The following CAB39L variants were observed in gnomAD, a reference collection of about 807,000 sequenced individuals.
The protein encoded by CAB39L is calcium-binding protein 39-like.
Under a neutral mutation model 39.1 loss-of-function variants are expected in CAB39L, and 23 were observed. That is an observed-to-expected ratio of 0.59 (90% confidence interval 0.42 to 0.83). The LOEUF (loss-of-function observed/expected upper bound fraction) is 0.83. CAB39L is among the 40% of genes least tolerant of loss of function. The pLI, the probability that CAB39L is intolerant of heterozygous loss-of-function variation, is 0.00. For synonymous variants in CAB39L, 126 were observed against 137.2 expected, an observed-to-expected ratio of 0.92 and a Z score of 0.57; for missense variants, 366 against 391.9, an observed-to-expected ratio of 0.93 and a Z score of 0.56.
rs746565331 is a variant in CAB39L at position 49,444,029 on chromosome 13, C to A, written c.-289G>T. 3 of 456,440 alleles carry A rather than the reference C, an allele frequency of 6.6e-6. No homozygotes were observed. Among genetic ancestry groups the A allele is most frequent in the African/African-American group, 2.0e-5 (1 of 50,096 alleles). The allele number at this position is 456,440 out of a possible 1,614,324, so 28.3% of individuals were successfully genotyped here. ...CACCACTCCAGTGATGCCGGCCTCT[C>A]GACTACGAGTAACTCCATTGGCTCA... On this transcript the variant is annotated 5_prime_UTR_variant, in exon 1 of 11. The change creates a premature stop within an existing upstream ORF in the 5' untranslated region. Transcript: ENST00000409308.
At chr13:49,418,058 A>G (rs1957113577) in intron 3 of CAB39L, among the ~76,000 whole-genome samples, 1 of 152,212 alleles carries the variant, frequency 6.6e-6, no homozygotes, top group Admixed American at 6.5e-5. Context: ...GTTTATATCC[A>G]AGAGAAATGA....
chr13:49,373,352 C>A (rs1955972430), intron 5 of CAB39L, among the ~76,000 whole-genome samples: 1 of 152,188 alleles, frequency 6.6e-6, no homozygotes, highest in African/African-American at 2.4e-5. Context: ...ATCAAGGTAT[C>A]TTCTAAACAA....
At chr13:49,311,029 G>C (rs1472445128) in intron 10 of CAB39L, 36 bp from the exon 11 acceptor site, 1 of 1,595,676 alleles carries the variant, frequency 6.3e-7, no homozygotes, top group East Asian at 2.2e-5. Flanking sequence ...AGGAGTGCAA[G>C]CCAGGGACCT....
intron 1 of CAB39L, among the ~76,000 whole-genome samples, chr13:49,442,808 A>ACAAAC (rs1566146247): frequency 8.7e-5 from 13 of 149,424 alleles, no homozygotes; most frequent in African/African-American, 3.2e-4. Context: ...AAAAAAAAAA[A>ACAAAC]AAAAAAAAAA....
At chr13:49,419,131 C>T (rs948939931) in intron 3 of CAB39L, among the ~76,000 whole-genome samples, 2 of 151,760 alleles carry the variant, frequency 1.3e-5, no homozygotes, top group African/African-American at 4.8e-5. Context: ...CCATGCCTGG[C>T]TAATTTTTGT....
intron 3 of CAB39L, among the ~76,000 whole-genome samples, chr13:49,407,227 CA>C (rs1235797688): frequency 3.3e-5 from 5 of 152,048 alleles, no homozygotes; most frequent in African/African-American, 1.2e-4. Flanking sequence ...TATTTGAATA[CA>C]AAAAAATGGT....
rs905377318 is a variant in CAB39L, at chr13:49,308,934, G to A, written c.*1880C>T. 7 of 152,100 alleles carry A rather than the reference G, an allele frequency of 4.6e-5. No individual in the cohort carries two copies. The highest frequency in any genetic ancestry group is 1.3e-4 in the Admixed American group (2 of 15,276). The allele number at this position is 152,100 out of a possible 1,614,324, so 9.4% of individuals were successfully genotyped here. ...AATGCAAGCCCAAAGGAAATAAAAT[G>A]TTTTCTTTATCAGAAAAGAATAATA... On this transcript the variant is annotated 3_prime_UTR_variant, in exon 11 of 11. Transcript: ENST00000409308.
intron 5 of CAB39L, among the ~76,000 whole-genome samples, chr13:49,363,077 T>C (rs147160226): frequency 5.3e-5 from 8 of 152,230 alleles, no homozygotes; most frequent in South Asian, 2.1e-4. Flanking sequence ...ACTAGACCCA[T>C]CCTACAAGAA....
Position 49,339,741 on chromosome 13 carries a change from A to C in CAB39L, c.626T>G (p.Ile209Ser). 3 of 1,579,628 alleles carry C rather than the reference A, an allele frequency of 1.9e-6. No homozygotes were observed. Among genetic ancestry groups the C allele is most frequent in the Non-Finnish European group, 2.6e-6 (3 of 1,164,240 alleles). ...ADFLEQNYDT[I>S]FEDYEKLLQS... ...AAGCAATTTCTCATAGTCTTCAAAA[A>C]TCTAATGAAAAGAAAATACACATTA... Residue 209 changes from isoleucine to serine, a missense_variant and splice_region_variant, in exon 9 of 11, where the codon ATT becomes AGT. Ile to Ser is a moderately radical substitution (Grantham distance 142). Transcript: ENST00000409308.
intron 7 of CAB39L, among the ~76,000 whole-genome samples, chr13:49,344,694 T>C (rs966684286): frequency 9.9e-5 from 15 of 152,064 alleles, no homozygotes; most frequent in Non-Finnish European, 1.5e-5. Flanking sequence ...GCTTTTTGTT[T>C]TTGTATTTTT....
At chr13:49,407,439 T>C (rs1956903922) in intron 3 of CAB39L, among the ~76,000 whole-genome samples, 1 of 152,144 alleles carries the variant, frequency 6.6e-6, no homozygotes, top group African/African-American at 2.4e-5. Flanking sequence ...GGTACATTAT[T>C]GAATTGATTA....
chr13:49,427,714 T>C (rs1343161349), intron 3 of CAB39L, among the ~76,000 whole-genome samples: 1 of 152,126 alleles, frequency 6.6e-6, no homozygotes, highest in East Asian at 1.9e-4. Context: ...ACATCACTTA[T>C]CTTACTTCAT....
chr13:49,337,393 G>T (rs1383968891), intron 9 of CAB39L, among the ~76,000 whole-genome samples: 1 of 152,082 alleles, frequency 6.6e-6, no homozygotes, highest in Non-Finnish European at 1.5e-5. Flanking sequence ...ATTCTGAGAG[G>T]GATCTGAAGG....
chr13:49,425,582 C>T (rs1032187058), intron 3 of CAB39L, among the ~76,000 whole-genome samples: 3 of 152,120 alleles, frequency 2.0e-5, no homozygotes, highest in Admixed American at 2.0e-4. Context: ...CAAAAACAGG[C>T]ACAAAGCTAA....
intron 3 of CAB39L, among the ~76,000 whole-genome samples, chr13:49,422,813 T>G (rs1001289163): frequency 2.0e-5 from 3 of 152,150 alleles, no homozygotes; most frequent in Middle Eastern, 3.2e-3. Context: ...TTCTCAAATT[T>G]ATTATTCTCT....
At chr13:49,411,588 T>C (rs2138686215) in intron 3 of CAB39L, among the ~76,000 whole-genome samples, 1 of 152,308 alleles carries the variant, frequency 6.6e-6, no homozygotes, top group African/African-American at 2.4e-5. Flanking sequence ...CTATACACAC[T>C]GCATTATAAT....
At chr13:49,337,845 A>G (rs1341072656) in intron 9 of CAB39L, among the ~76,000 whole-genome samples, 1 of 151,992 alleles carries the variant, frequency 6.6e-6, no homozygotes, top group East Asian at 1.9e-4. Flanking sequence ...AAACCATCTG[A>G]AAACTATGTA....
chr13:49,435,022 C>G (rs1216608955), intron 1 of CAB39L, among the ~76,000 whole-genome samples: 1 of 152,192 alleles, frequency 6.6e-6, no homozygotes, highest in Non-Finnish European at 1.5e-5. Context: ...AGAGAAATCT[C>G]TCTTCTGTTG....
chr13:49,338,932 T>C (rs1244397800), intron 9 of CAB39L, among the ~76,000 whole-genome samples: 1 of 152,064 alleles, frequency 6.6e-6, no homozygotes, highest in African/African-American at 2.4e-5. Context: ...CATAAAAAAT[T>C]CTTTAGGAAA....
Sources: gnomAD v4.1 joint callset for allele counts (sites outside exome capture counted in the v4.1 genomes callset) on GRCh38, gnomAD v4.1.1 for gene constraint, MANE v1.5 for transcripts, NCBI Gene and HGNC (gene_info 2026-07-23, HGNC 2026-07-21) for gene names.